The following DTNA variants were observed in gnomAD, a reference collection of about 807,000 sequenced individuals.
DTNA encodes the protein dystrobrevin alpha.
A neutral mutation model predicts 100.7 loss-of-function variants in DTNA; 43 were observed. The observed-to-expected ratio is 0.43, with a 90% CI of 0.33 to 0.55. The LOEUF (loss-of-function observed/expected upper bound fraction) is 0.55. DTNA is among the 20% of genes least tolerant of loss of function. The probability of loss-of-function intolerance (pLI) is 0.04; values close to 1 mark genes in which losing one functional copy is unlikely to be tolerated. For synonymous variants in DTNA, 349 were observed against 347.9 expected, an observed-to-expected ratio of 1.00 and a Z score of -0.04; for missense variants, 798 against 953.9, an observed-to-expected ratio of 0.84 and a Z score of 2.15.
At chr18:34,526,864 C>T (rs185477211) in intron 1 of DTNA, among the ~76,000 whole-genome samples, 1 of 151,998 alleles carries the variant, frequency 6.6e-6, no homozygotes, top group African/African-American at 2.4e-5. Flanking sequence ...TCATTTAAAG[C>T]TGAAACACAT....
At chr18:34,828,027 C>T (rs1489135981) in intron 10 of DTNA, among the ~76,000 whole-genome samples, 3 of 152,072 alleles carry the variant, frequency 2.0e-5, no homozygotes, top group Non-Finnish European at 2.9e-5. Context: ...TTTCAGGATG[C>T]AATGGTGTGT....
chr18:34,673,524 A>G (rs545112079), intron 1 of DTNA, among the ~76,000 whole-genome samples: 7 of 63,962 alleles, frequency 1.1e-4, no homozygotes, highest in East Asian at 1.0e-3. Flanking sequence ...AGTCCTTCAG[A>G]AAAAAAAAAA....
At chr18:34,833,120 T>A (rs2096057232) in intron 11 of DTNA, among the ~76,000 whole-genome samples, 1 of 152,216 alleles carries the variant, frequency 6.6e-6, no homozygotes, top group Non-Finnish European at 1.5e-5. Context: ...TCTGTGAGAC[T>A]GCAGCCAGGC....
intron 1 of DTNA, among the ~76,000 whole-genome samples, chr18:34,661,358 C>CTGCAGTATGTAT (rs1332758451): frequency 2.0e-5 from 3 of 152,204 alleles, no homozygotes; most frequent in Non-Finnish European, 4.4e-5. Context: ...TGCCTTCCAG[C>CTGCAGTATGTAT]TGCAGTATGT....
intron 1 of DTNA, among the ~76,000 whole-genome samples, chr18:34,665,423 A>G (rs980736713): frequency 2.2e-4 from 33 of 152,040 alleles, no homozygotes; most frequent in Middle Eastern, 3.4e-3. Context: ...AATTATTTAT[A>G]TATATATTTT....
chr18:34,571,090 A>G (rs1299132723), intron 1 of DTNA, among the ~76,000 whole-genome samples: 1 of 152,204 alleles, frequency 6.6e-6, no homozygotes, highest in Non-Finnish European at 1.5e-5. Context: ...TAAGTTCCTC[A>G]CATCAAGCCA....
intron 1 of DTNA, among the ~76,000 whole-genome samples, chr18:34,677,094 G>T (rs1371806899): frequency 2.6e-5 from 4 of 152,156 alleles, no homozygotes; most frequent in Non-Finnish European, 5.9e-5. Context: ...TCTGCCTCCA[G>T]ATTAGACAAC....
chr18:34,712,294 A>G (rs549724469), intron 1 of DTNA, among the ~76,000 whole-genome samples: 1 of 152,214 alleles, frequency 6.6e-6, no homozygotes, highest in Admixed American at 6.5e-5. Flanking sequence ...CAGAGAAGAG[A>G]GTAGTATGGA....
chr18:34,660,619 G>T (rs1960777), intron 1 of DTNA, among the ~76,000 whole-genome samples: 8,243 of 152,032 alleles, frequency 0.054, 287 homozygotes, highest in Non-Finnish European at 0.075. Context: ...AGTCTAATAA[G>T]AAACATTTAC....
chr18:34,612,351 C>G (rs1393124851), intron 1 of DTNA, among the ~76,000 whole-genome samples: 6 of 152,332 alleles, frequency 3.9e-5, no homozygotes, highest in Admixed American at 3.9e-4. Context: ...GTGATGCTCT[C>G]ATGCACATAG....
At chr18:34,751,520 C>A (rs963162043) in intron 1 of DTNA, among the ~76,000 whole-genome samples, 2 of 152,224 alleles carry the variant, frequency 1.3e-5, no homozygotes, top group Non-Finnish European at 2.9e-5. Context: ...GCCTGTTAAT[C>A]TCTGAAGTGT....
chr18:34,670,998 C>A (rs575445892), intron 1 of DTNA, among the ~76,000 whole-genome samples: 1 of 152,210 alleles, frequency 6.6e-6, no homozygotes, highest in African/African-American at 2.4e-5. Flanking sequence ...GCCTTTTGTT[C>A]GGCTATGCCC....
At chr18:34,521,293 C>A (rs1568581775) in intron 1 of DTNA, among the ~76,000 whole-genome samples, 1 of 152,108 alleles carries the variant, frequency 6.6e-6, no homozygotes, top group African/African-American at 2.4e-5. Flanking sequence ...AAATATGTCC[C>A]AGTCTAACCC....
intron 1 of DTNA, among the ~76,000 whole-genome samples, chr18:34,613,734 G>A (rs1347299458): frequency 6.6e-6 from 1 of 152,222 alleles, no homozygotes; most frequent in Non-Finnish European, 1.5e-5. Context: ...AGAGTTGGAA[G>A]CTAGGAGAGG....
chr18:34,591,793 A>G (rs1435128074), intron 1 of DTNA, among the ~76,000 whole-genome samples: 2 of 152,196 alleles, frequency 1.3e-5, no homozygotes, highest in Non-Finnish European at 2.9e-5. Flanking sequence ...TGATCTTTTT[A>G]AAAGACATCT....
intron 1 of DTNA, among the ~76,000 whole-genome samples, chr18:34,564,775 C>T (rs1212717611): frequency 6.6e-6 from 1 of 152,142 alleles, no homozygotes; most frequent in Non-Finnish European, 1.5e-5. Context: ...TCTGTGCCTC[C>T]TTCTGTTGCT....
chr18:34,554,394 A>G (rs2045798701), intron 1 of DTNA, among the ~76,000 whole-genome samples: 1 of 148,486 alleles, frequency 6.7e-6, no homozygotes, highest in African/African-American at 2.5e-5. Context: ...TGCCCTGGCC[A>G]GAACTTCCAA....
intron 1 of DTNA, among the ~76,000 whole-genome samples, chr18:34,651,653 C>T (rs906954630): frequency 1.3e-5 from 2 of 152,116 alleles, no homozygotes; most frequent in Non-Finnish European, 2.9e-5. Context: ...AAATGGAAAA[C>T]TAATAATAAA....
At chr18:34,541,702 G>GA (rs1445633234) in intron 1 of DTNA, among the ~76,000 whole-genome samples, 1 of 152,048 alleles carries the variant, frequency 6.6e-6, no homozygotes, top group Non-Finnish European at 1.5e-5. Context: ...AAATAGGTTA[G>GA]AAAATAAAGG....
Sources: gnomAD v4.1 joint callset for allele counts (sites outside exome capture counted in the v4.1 genomes callset) on GRCh38, gnomAD v4.1.1 for gene constraint, MANE v1.5 for transcripts, NCBI Gene and HGNC (gene_info 2026-07-23, HGNC 2026-07-21) for gene names.